The following ZDHHC9 variants were observed in gnomAD, a reference collection of about 807,000 sequenced individuals.
ZDHHC9 encodes palmitoyltransferase ZDHHC9.
ZDHHC9 carries 3 observed loss-of-function variants against 26.6 expected under a neutral mutation model. The observed-to-expected ratio is 0.11, with a 90% confidence interval of 0.05 to 0.29. ZDHHC9 has a LOEUF of 0.29. Among genes scored for constraint, ZDHHC9 ranks in the 10% least tolerant of loss-of-function variants. The pLI is 1.00. For synonymous variants in ZDHHC9, 111 were observed against 109.4 expected (o/e 1.01, Z -0.09); for missense variants, 146 against 296.4 (o/e 0.49, Z 3.73).
intron 3 of ZDHHC9, among the ~76,000 whole-genome samples, chrX:129,831,323 C>T (rs1392779878): frequency 8.9e-6 from 1 of 111,768 alleles, no homozygotes; most frequent in Non-Finnish European, 1.9e-5. Flanking sequence ...GAAGTAATGT[C>T]TCCAGGACGC....
intron 3 of ZDHHC9, among the ~76,000 whole-genome samples, chrX:129,834,774 G>C (rs1354921931): frequency 9.0e-6 from 1 of 111,422 alleles, no homozygotes; most frequent in East Asian, 2.8e-4. Context: ...ATCATCATAG[G>C]GGCCCTGTCT....
chrX:129,828,462 A>G (rs1928070626), intron 4 of ZDHHC9, among the ~76,000 whole-genome samples: 1 of 109,225 alleles, frequency 9.2e-6, no homozygotes, highest in Admixed American at 9.8e-5. Flanking sequence ...TCTCTACTAA[A>G]AATACAAAAA....
chrX:129,837,054 A>G (rs944952295), intron 3 of ZDHHC9, among the ~76,000 whole-genome samples: 10 of 111,934 alleles, frequency 8.9e-5, no homozygotes, highest in Admixed American at 5.7e-4. Context: ...TGGCTGGTCA[A>G]CTCATCTTGA....
At chrX:129,825,159 C>T (rs1246103191) in intron 4 of ZDHHC9, among the ~76,000 whole-genome samples, 3 of 110,981 alleles carry the variant, frequency 2.7e-5, no homozygotes, top group African/African-American at 9.8e-5. Context: ...AAAAATTAGC[C>T]AAGCATGGTG....
At chrX:129,828,960 C>T (rs1928081979) in intron 4 of ZDHHC9, 21 bp downstream of exon 4, 1 of 1,211,212 alleles carries the variant, frequency 8.3e-7, no homozygotes, top group East Asian at 3.0e-5. Flanking sequence ...CAGCAGCTTG[C>T]CAGCTGGTTG....
chrX:129,805,083 A>T lies in ZDHHC9; in HGVS notation c.*1287T>A, dbSNP rs776731254. On this transcript the variant is annotated 3_prime_UTR_variant, in exon 11 of 11. Coordinates refer to ENST00000357166, the MANE Select transcript of ZDHHC9 (RefSeq NM_016032.4). ...GAAATATAGCCACATATAATACATA[A>T]ATCTTCTTCCCTGAAATAGAGCAGG... 1 of 112,546 alleles carries T rather than the reference A, an allele frequency of 8.9e-6. No individual in the cohort carries two copies. Among genetic ancestry groups the T allele is most frequent in the African/African-American group, 3.2e-5 (1 of 30,925 alleles). The allele number at this position is 112,546 out of a possible 1,213,427, so 9.3% of individuals were successfully genotyped here. A position where few individuals can be genotyped will look rare whatever the true frequency, so the allele number is the denominator to read the frequency against.
At chrX:129,833,934 T>C (rs941151308) in intron 3 of ZDHHC9, among the ~76,000 whole-genome samples, 2 of 112,089 alleles carry the variant, frequency 1.8e-5, no homozygotes, top group Non-Finnish European at 3.8e-5. Context: ...CTCCCTGATA[T>C]GGATGGCCAT....
intron 3 of ZDHHC9, among the ~76,000 whole-genome samples, chrX:129,841,504 G>A (rs961826038): frequency 2.7e-5 from 3 of 112,036 alleles, no homozygotes; most frequent in Non-Finnish European, 5.6e-5. Context: ...AAAAGGGAGA[G>A]GTGAGTAATT....
At chrX:129,841,437 C>A (rs1277274741) in intron 3 of ZDHHC9, among the ~76,000 whole-genome samples, 3 of 111,700 alleles carry the variant, frequency 2.7e-5, no homozygotes, top group African/African-American at 9.8e-5. Context: ...ATGAGGGGTG[C>A]CCTCAGGTTT....
intron 3 of ZDHHC9, among the ~76,000 whole-genome samples, chrX:129,835,728 A>G (rs1244639619): frequency 9.0e-6 from 1 of 111,380 alleles, no homozygotes; most frequent in Non-Finnish European, 1.9e-5. Context: ...GGTTGCAGTG[A>G]GCCGAGATTG....
chrX:129,808,977 C>A (rs772784643), intron 10 of ZDHHC9, among the ~76,000 whole-genome samples: 4 of 112,216 alleles, frequency 3.6e-5, no homozygotes, highest in African/African-American at 9.7e-5. Flanking sequence ...TATTCGACAT[C>A]ATTAGTCATC....
intron 4 of ZDHHC9, among the ~76,000 whole-genome samples, chrX:129,828,147 T>C (rs1000001949): frequency 8.0e-5 from 9 of 111,897 alleles, no homozygotes; most frequent in Non-Finnish European, 1.5e-4. Flanking sequence ...GGGGGGGACA[T>C]GAATGAACTT....
At chrX:129,814,636 G>A (rs766688756) in intron 6 of ZDHHC9, 22 bp downstream of exon 6, 10 of 1,208,151 alleles carry the variant, frequency 8.3e-6, no homozygotes, top group Middle Eastern at 4.9e-4. Flanking sequence ...CTCCAACAAC[G>A]GACACTGCCC....
At chrX:129,807,876 T>C (rs1927557411) in intron 10 of ZDHHC9, among the ~76,000 whole-genome samples, 1 of 112,400 alleles carries the variant, frequency 8.9e-6, no homozygotes. Context: ...GGCAAGGTTT[T>C]AGGGTATAAG....
At chrX:129,822,990 A>T (rs1466642081) in intron 5 of ZDHHC9, 1 of 112,253 alleles carries the variant, frequency 8.9e-6, no homozygotes, top group Non-Finnish European at 1.9e-5. Flanking sequence ...GATTACAACA[A>T]AGCCACATAT....
Position 129,823,809 on chromosome X carries a change from G to T in ZDHHC9, c.357C>A (p.Gly119=), listed in dbSNP as rs751652102. The change falls in exon 5 of 11, where the codon GGC becomes GGA. Residue 119 remains glycine (G), a synonymous_variant. Coordinates refer to ENST00000357166, the MANE Select transcript of ZDHHC9 (RefSeq NM_016032.4). ...IEATNGAVPQ[G]QRPPPRIKNF... is the part of the protein sequence containing the mutation. ...TCTTGATACGAGGCGGTGGTCGCTGGCCCTGGGGCACCGCACCATTGGTAG... is the reference window on the plus strand; with the variant it reads ...TCTTGATACGAGGCGGTGGTCGCTGTCCCTGGGGCACCGCACCATTGGTAG... 1 of 1,210,694 alleles carries T rather than the reference G, an allele frequency of 8.3e-7. No individual in the cohort carries two copies. The highest frequency in any genetic ancestry group is 1.1e-6 in the Non-Finnish European group (1 of 895,235).
At chrX:129,814,503 C>T (rs776535716) in intron 6 of ZDHHC9, among the ~76,000 whole-genome samples, 155 bp downstream of exon 6, 3 of 111,661 alleles carry the variant, frequency 2.7e-5, no homozygotes, top group African/African-American at 9.7e-5. Context: ...GGTTTGCAAC[C>T]CTGCTCAAGA....
chrX:129,823,660 T>TC lies in ZDHHC9; in HGVS notation c.487+18dup. On this transcript the variant is annotated intron_variant, in intron 5 of 10. Coordinates refer to ENST00000357166, the MANE Select transcript of ZDHHC9 (RefSeq NM_016032.4). ...AACTCAGCCTTTTCCCTAGGCAATG[T>TC]CCCTGTAGTTTTACTCACCCACACA... 8.3e-7 allele frequency: 1 copy of TC among 1,211,820 alleles called. No individual in the cohort carries two copies. Among genetic ancestry groups the TC allele is most frequent in the Non-Finnish European group, 1.1e-6 (1 of 895,301 alleles).
intron 10 of ZDHHC9, 110 bp from the exon 11 acceptor site, chrX:129,806,596 C>T: frequency 1.5e-6 from 1 of 648,116 alleles, no homozygotes; most frequent in African/African-American, 2.2e-5. Context: ...CACACTGATG[C>T]TACAGATATG....
Sources: gnomAD v4.1 joint callset for allele counts (sites outside exome capture counted in the v4.1 genomes callset) on GRCh38, gnomAD v4.1.1 for gene constraint, MANE v1.5 for transcripts, NCBI Gene and HGNC (gene_info 2026-07-23, HGNC 2026-07-21) for gene names.